The following NOP58 variants were observed in gnomAD, a reference collection of about 807,000 sequenced individuals.
NOP58 encodes the protein NOP58 ribonucleoprotein.
Under a neutral mutation model 71.2 loss-of-function variants are expected in NOP58, and 44 were observed. That is an observed-to-expected ratio of 0.62 (90% CI 0.49 to 0.79). NOP58 has a LOEUF of 0.79. Among genes scored for constraint, NOP58 ranks in the 30% least tolerant of loss-of-function variants. NOP58 has a pLI of 0.00. For synonymous variants in NOP58, 228 were observed against 200.3 expected (o/e 1.14, Z -1.17); for missense variants, 538 against 620.2 (o/e 0.87, Z 1.41).
In NOP58 at chr2:202,299,113, C is replaced by G. The variant is rs1689045143; in HGVS notation, c.1269-1121C>G. On this transcript the variant is annotated intron_variant, in intron 12 of 14. Coordinates refer to ENST00000264279, the MANE Select transcript of NOP58 (RefSeq NM_015934.5). Reference sequence around the variant, plus strand: ...TAGCTAGGATTACAGGCATACACCACCACATCCAGCTAATTTTTGTATTTT... The same window carrying G: ...TAGCTAGGATTACAGGCATACACCAGCACATCCAGCTAATTTTTGTATTTT... 2.0e-5 allele frequency among the ~76,000 whole-genome samples: 3 copies of G among 151,932 alleles called. No individual in the cohort carries two copies. The South Asian group carries it at 6.2e-4, about 31-fold the overall frequency.
In NOP58 at chr2:202,287,563, T is replaced by G; in HGVS notation, c.435-97T>G. The G allele has an allele frequency of 3.4e-6, 3 of 889,366 alleles. No homozygotes were observed. In the South Asian group the frequency reaches 4.6e-5, roughly 14 times the overall value. 55.1% of individuals were successfully genotyped at this position (889,366 alleles called of 1,614,324 possible). A position where few individuals can be genotyped will look rare whatever the true frequency, so the allele number is the denominator to read the frequency against. On this transcript the variant is annotated intron_variant, in intron 5 of 14. Coordinates refer to ENST00000264279, the MANE Select transcript of NOP58 (RefSeq NM_015934.5). ...ATTACAGCTCTGACTACAGGCTGAT[T>G]TGAGTAAAAACAAAAACAAAAAAAA... is the stretch of plus-strand genomic sequence containing the variant.
Position 202,267,536 on chromosome 2 carries a change from A to C in NOP58, c.45+1550A>C, listed in dbSNP as rs900397078. ...TTAGTCCCCTTTAGAGCTACGAAAC[A>C]TGTCAATTTTACTTTTCTCCAGCTT... On this transcript the variant is annotated intron_variant, in intron 1 of 14. Coordinates refer to ENST00000264279, the MANE Select transcript of NOP58 (RefSeq NM_015934.5). Among the ~76,000 whole-genome samples the C allele has an allele frequency of 9.2e-5, 14 of 152,344 alleles. 1 individual carries two copies. The highest frequency in any genetic ancestry group is 3.4e-4 in the African/African-American group (14 of 41,578).
rs372235374 is a variant in NOP58, at chr2:202,303,015, A to G, written c.1497A>G (p.Glu499=). The G allele has an allele frequency of 1.9e-5, 30 of 1,612,758 alleles. No individual in the cohort carries two copies. Among genetic ancestry groups the G allele is most frequent in the Admixed American group, 3.3e-5 (2 of 59,954 alleles). The change falls in exon 14 of 15, where the codon GAA becomes GAG. Residue 499 remains glutamate (E), a synonymous_variant. Transcript: ENST00000264279. ...KRGKKKHIKE[E]PLSEEEPCTS... is the part of the protein sequence containing the mutation. ...GTAAAAAGAAACACATTAAGGAAGAACCACTTTCTGAGGAAGAACCATGTA... is the reference window on the plus strand; with the variant it reads ...GTAAAAAGAAACACATTAAGGAAGAGCCACTTTCTGAGGAAGAACCATGTA...
At chr2:202,268,534 T>C (rs1257328168) in intron 1 of NOP58, among the ~76,000 whole-genome samples, 4 of 149,790 alleles carry the variant, frequency 2.7e-5, no homozygotes, top group Admixed American at 6.6e-5. Flanking sequence ...CAACTCCGTC[T>C]CAAAAAAAAA....
rs1055642069 is a variant in NOP58, at chr2:202,265,776, A to G, written c.-166A>G. 2.9e-6 allele frequency: 2 copies of G among 680,164 alleles called. No individual in the cohort carries two copies. Among genetic ancestry groups the G allele is most frequent in the Non-Finnish European group, 5.1e-6 (2 of 391,122 alleles). The allele number at this position is 680,164 out of a possible 1,614,324, so 42.1% of individuals were successfully genotyped here. On this transcript the variant is annotated 5_prime_UTR_variant, in exon 1 of 15. Coordinates refer to ENST00000264279, the MANE Select transcript of NOP58 (RefSeq NM_015934.5). ...CGTTCGTGCGTCCTAGTTCCAGTAC[A>G]GCGTGGAGGGTTTAGGCAGCGTGTT...
At chr2:202,280,965 G>A (rs1040594517) in intron 3 of NOP58, among the ~76,000 whole-genome samples, 5 of 151,570 alleles carry the variant, frequency 3.3e-5, no homozygotes, top group East Asian at 2.0e-4. Context: ...CTCGTGACCC[G>A]CTCACCTCAG....
intron 1 of NOP58, among the ~76,000 whole-genome samples, chr2:202,269,368 GTC>G (rs1688477018): frequency 1.4e-5 from 2 of 144,324 alleles, no homozygotes; most frequent in Non-Finnish European, 3.0e-5. Flanking sequence ...AAGAGGCAGA[GTC>G]TCACTATGTT....
chr2:202,280,634 CA>C (rs1419730931), intron 3 of NOP58, among the ~76,000 whole-genome samples: 116 of 138,242 alleles, frequency 8.4e-4, no homozygotes, highest in African/African-American at 3.1e-3. Flanking sequence ...GCCTGGCCAT[CA>C]TTTTTTTTTT....
At chr2:202,294,806 T>C (rs1356160704) in intron 9 of NOP58, among the ~76,000 whole-genome samples, 1 of 151,452 alleles carries the variant, frequency 6.6e-6, no homozygotes, top group Non-Finnish European at 1.5e-5. Flanking sequence ...CTACTAAAAA[T>C]ACAAAAAAAA....
At chr2:202,281,509 G>T (rs1179721151) in intron 3 of NOP58, among the ~76,000 whole-genome samples, 1 of 152,092 alleles carries the variant, frequency 6.6e-6, no homozygotes, top group Non-Finnish European at 1.5e-5. Context: ...GCATGATCAT[G>T]ACTCACTGCA....
chr2:202,271,431 G>A (rs909639677), intron 1 of NOP58, among the ~76,000 whole-genome samples: 1 of 151,592 alleles, frequency 6.6e-6, no homozygotes, highest in African/African-American at 2.4e-5. Flanking sequence ...GCCAGGCATG[G>A]CAGCATGTGC....
intron 1 of NOP58, among the ~76,000 whole-genome samples, chr2:202,274,625 A>T (rs993037795): frequency 7.2e-5 from 11 of 152,058 alleles, no homozygotes; most frequent in South Asian, 2.1e-4. Flanking sequence ...GGCCAGGTGC[A>T]GTGGTGCACA....
rs1688756617 is a variant in NOP58 at position 202,284,395 on chromosome 2, G to GT, written c.348_349insT (p.Arg117Ter). The GT allele has an allele frequency of 6.2e-7, 1 of 1,613,156 alleles. No individual in the cohort carries two copies. On this transcript the variant is annotated frameshift_variant, in exon 5 of 15. Transcript: ENST00000264279. LOFTEE classifies it high-confidence loss of function. ...ATAGTCCTGTTGTTAATGAACTTAT[G>GT]AGAGGAATTCGTTCACAAATGGATG...
chr2:202,268,489 C>A (rs560296765), intron 1 of NOP58, among the ~76,000 whole-genome samples: 1 of 150,692 alleles, frequency 6.6e-6, no homozygotes, highest in Non-Finnish European at 1.5e-5. Context: ...GAGCTGAGAT[C>A]GTGCCATTGC....
chr2:202,267,497 T>G (rs1181371759), intron 1 of NOP58, among the ~76,000 whole-genome samples: 2 of 152,196 alleles, frequency 1.3e-5, no homozygotes, highest in Admixed American at 6.6e-5. Flanking sequence ...TTAAGGAACT[T>G]GTAAGTAAGC....
At chr2:202,289,221 T>A (rs1688846171) in intron 6 of NOP58, among the ~76,000 whole-genome samples, 1 of 152,230 alleles carries the variant, frequency 6.6e-6, no homozygotes, top group South Asian at 2.1e-4. Flanking sequence ...CCTATGTTCA[T>A]AACAGTGTTA....
chr2:202,270,145 G>T (rs1466865117), intron 1 of NOP58, among the ~76,000 whole-genome samples: 1 of 152,196 alleles, frequency 6.6e-6, no homozygotes, highest in East Asian at 1.9e-4. Flanking sequence ...CAGTTTTATA[G>T]TACACTTTGT....
At chr2:202,276,312 T>G in intron 2 of NOP58, 1 of 243,454 alleles carries the variant, frequency 4.1e-6, no homozygotes, top group South Asian at 4.0e-5. Context: ...TGCACTCCAG[T>G]CTGGGTGTCA....
intron 1 of NOP58, among the ~76,000 whole-genome samples, chr2:202,274,344 A>G (rs1229042752): frequency 6.6e-6 from 1 of 151,474 alleles, no homozygotes; most frequent in African/African-American, 2.4e-5. Context: ...CTCCTGCCTC[A>G]GCCTCCCGAG....
Sources: gnomAD v4.1 joint callset for allele counts (sites outside exome capture counted in the v4.1 genomes callset) on GRCh38, gnomAD v4.1.1 for gene constraint, MANE v1.5 for transcripts, NCBI Gene and HGNC (gene_info 2026-07-23, HGNC 2026-07-21) for gene names.